The following SLC47A1 variants were observed in gnomAD, a reference collection of about 807,000 sequenced individuals.
The protein encoded by SLC47A1 is solute carrier family 47 member 1, also known as multidrug and toxin extrusion protein 1.
SLC47A1 carries 58 observed loss-of-function variants against 65.8 expected under a neutral mutation model. The observed-to-expected ratio is 0.88, with a 90% CI of 0.71 to 1.10. The LOEUF is 1.10. Among genes scored for constraint, SLC47A1 ranks in the 50% least tolerant of loss-of-function variants. SLC47A1 has a pLI of 0.00. For synonymous variants in SLC47A1, 285 were observed against 295.0 expected (o/e 0.97, Z 0.35); for missense variants, 706 against 719.2 (o/e 0.98, Z 0.21).
At chr17:19,575,571 T>C (rs1385571234) in intron 16 of SLC47A1, among the ~76,000 whole-genome samples, 4 of 152,072 alleles carry the variant, frequency 2.6e-5, no homozygotes, top group Admixed American at 6.6e-5. Flanking sequence ...GCTAACTCTT[T>C]AATATTTTTG....
At chr17:19,563,983 C>G (rs935092756) in intron 12 of SLC47A1, among the ~76,000 whole-genome samples, 1 of 133,804 alleles carries the variant, frequency 7.5e-6, no homozygotes, top group African/African-American at 2.7e-5. Flanking sequence ...AGCGAGACTC[C>G]GTCTCAGACA....
intron 12 of SLC47A1, among the ~76,000 whole-genome samples, chr17:19,562,186 A>T (rs1246746008): frequency 6.6e-6 from 1 of 152,188 alleles, no homozygotes; most frequent in African/African-American, 2.4e-5. Context: ...AACTAATTTC[A>T]TGGTTTATTC....
chr17:19,550,111 G>T (rs1916405743), intron 5 of SLC47A1, among the ~76,000 whole-genome samples: 1 of 151,914 alleles, frequency 6.6e-6, no homozygotes, highest in African/African-American at 2.4e-5. Context: ...GAGCTAAGTG[G>T]TTTTTTTGTT....
intron 4 of SLC47A1, among the ~76,000 whole-genome samples, chr17:19,548,516 T>TC (rs1916358010): frequency 7.5e-6 from 1 of 132,692 alleles, no homozygotes; most frequent in Non-Finnish European, 1.6e-5. Flanking sequence ...TTTTTTTTTT[T>TC]TGAGACCAAG....
intron 16 of SLC47A1, among the ~76,000 whole-genome samples, chr17:19,576,152 C>T (rs866684144): frequency 4.6e-5 from 7 of 150,974 alleles, no homozygotes; most frequent in Admixed American, 3.3e-4. Context: ...GTTTGTCTGG[C>T]TTTTATGTAG....
At chr17:19,558,470 A>T (rs946293411) in intron 10 of SLC47A1, among the ~76,000 whole-genome samples, 2 of 144,156 alleles carry the variant, frequency 1.4e-5, no homozygotes, top group East Asian at 4.0e-4. Flanking sequence ...TATTTTACTT[A>T]TTTTTTTTTT....
At chr17:19,536,367 C>T (rs1050165410) in intron 1 of SLC47A1, among the ~76,000 whole-genome samples, 3 of 152,132 alleles carry the variant, frequency 2.0e-5, no homozygotes, top group Admixed American at 6.5e-5. Context: ...GGGATGAGCA[C>T]TAGACTGACA....
chr17:19,560,317 G>A (rs762119373), intron 11 of SLC47A1, 21 bp downstream of exon 11: 19 of 1,609,516 alleles, frequency 1.2e-5, no homozygotes, highest in South Asian at 9.9e-5. Context: ...CCCTTTACCC[G>A]AGGCTCTTGG....
chr17:19,566,275 T>C (rs1449015824), intron 12 of SLC47A1, among the ~76,000 whole-genome samples: 1 of 152,204 alleles, frequency 6.6e-6, no homozygotes, highest in East Asian at 1.9e-4. Flanking sequence ...GAAACATATC[T>C]CTTGAAGACA....
At chr17:19,566,995 C>T (rs1165789685) in intron 13 of SLC47A1, 101 bp from the exon 14 acceptor site, 20 of 1,596,796 alleles carry the variant, frequency 1.3e-5, no homozygotes, top group Admixed American at 1.7e-5. Flanking sequence ...ATACTGTCAC[C>T]TTACCATGGA....
At chr17:19,534,155 C>G (rs924243362) in intron 1 of SLC47A1, 81 bp downstream of exon 1, 4 of 1,407,996 alleles carry the variant, frequency 2.8e-6, no homozygotes, top group East Asian at 2.9e-5. Flanking sequence ...GTGACTTTGG[C>G]GGGCTTTGGG....
At position 19,578,603 on chromosome 17, in the gene SLC47A1, T is replaced by G. The variant is rs2084458196; in HGVS notation, c.*1050T>G. ...TAATTCAGCAACCCTCAGTACATACTAAGTATGCTCAGTGCTGTGAAAGTG... is the reference window on the plus strand; with the variant it reads ...TAATTCAGCAACCCTCAGTACATACGAAGTATGCTCAGTGCTGTGAAAGTG... On this transcript the variant is annotated 3_prime_UTR_variant, in exon 17 of 17. Coordinates refer to ENST00000270570, the MANE Select transcript of SLC47A1 (RefSeq NM_018242.3). 1 of 153,362 alleles carries G rather than the reference T, an allele frequency of 6.5e-6. No homozygotes were observed. Among genetic ancestry groups the G allele is most frequent in the South Asian group, 2.0e-4 (1 of 4,894 alleles). 9.5% of individuals were successfully genotyped at this position (153,362 alleles called of 1,614,324 possible). A position where few individuals can be genotyped will look rare whatever the true frequency, so the allele number is the denominator to read the frequency against.
At chr17:19,557,454 T>C (rs977915775) in intron 10 of SLC47A1, 8 of 367,776 alleles carry the variant, frequency 2.2e-5, no homozygotes, top group Admixed American at 1.6e-4. Context: ...TATGGTTGAA[T>C]AGTTTATTTC....
intron 1 of SLC47A1, among the ~76,000 whole-genome samples, chr17:19,540,760 G>A (rs1326874913): frequency 6.6e-6 from 1 of 152,076 alleles, no homozygotes; most frequent in East Asian, 1.9e-4. Flanking sequence ...GGACTGTGGC[G>A]ATTAAATTCA....
chr17:19,560,109 A>T lies in SLC47A1; in HGVS notation c.922-79A>T, dbSNP rs1024679049. On this transcript the variant is annotated intron_variant, in intron 10 of 16. Coordinates refer to ENST00000270570, the MANE Select transcript of SLC47A1 (RefSeq NM_018242.3). ...GGACCAAGTTTTCCCACCAGGTGTG[A>T]GGCATGAGGCTGCTTCTCTGCACGT... The T allele has an allele frequency of 9.0e-6, 9 of 995,576 alleles. No individual in the cohort carries two copies. In the African/African-American group the frequency reaches 1.1e-4, roughly 12 times the overall value. 61.7% of individuals were successfully genotyped at this position (995,576 alleles called of 1,614,324 possible). A position where few individuals can be genotyped will look rare whatever the true frequency, so the allele number is the denominator to read the frequency against.
chr17:19,534,277 A>C (rs1915929806), intron 1 of SLC47A1: 1 of 603,828 alleles, frequency 1.7e-6, no homozygotes, highest in Non-Finnish European at 2.6e-6. Flanking sequence ...GCACCACCCG[A>C]CTGGGGGCCC....
intron 16 of SLC47A1, among the ~76,000 whole-genome samples, chr17:19,573,614 C>A (rs1409821528): frequency 6.6e-6 from 1 of 151,910 alleles, no homozygotes; most frequent in African/African-American, 2.4e-5. Flanking sequence ...ACATCTTGGG[C>A]TCAAGCGATC....
intron 1 of SLC47A1, among the ~76,000 whole-genome samples, chr17:19,536,715 A>T (rs1480176191): frequency 3.3e-5 from 5 of 152,130 alleles, no homozygotes; most frequent in East Asian, 1.9e-4. Context: ...ATAAGGAGAG[A>T]CCACCCCCTT....
intron 1 of SLC47A1, among the ~76,000 whole-genome samples, chr17:19,538,530 A>T (rs1003446337): frequency 6.6e-6 from 1 of 152,268 alleles, no homozygotes; most frequent in Non-Finnish European, 1.5e-5. Context: ...GACCATCTGT[A>T]CTGTGGGTCC....
Sources: gnomAD v4.1 joint callset for allele counts (sites outside exome capture counted in the v4.1 genomes callset) on GRCh38, gnomAD v4.1.1 for gene constraint, MANE v1.5 for transcripts, NCBI Gene and HGNC (gene_info 2026-07-23, HGNC 2026-07-21) for gene names.